The following DPP10 variants were observed in gnomAD, a reference collection of about 807,000 sequenced individuals.
DPP10 encodes inactive dipeptidyl peptidase 10.
DPP10 carries 33 observed loss-of-function variants against 120.9 expected under a neutral mutation model. The ratio of observed to expected loss-of-function variants is 0.27; its 90% CI spans 0.21 to 0.37. The LOEUF is 0.37. Among genes scored for constraint, DPP10 ranks in the 10% least tolerant of loss-of-function variants. DPP10 has a pLI of 1.00. For synonymous variants in DPP10, 337 were observed against 326.1 expected, an observed-to-expected ratio of 1.03 and a Z score of -0.36; for missense variants, 816 against 942.8, an observed-to-expected ratio of 0.87 and a Z score of 1.76.
chr2:114,494,990 C>T (rs940713949), intron 1 of DPP10, among the ~76,000 whole-genome samples: 4 of 151,722 alleles, frequency 2.6e-5, no homozygotes, highest in East Asian at 1.9e-4. Flanking sequence ...TTTCTATCAG[C>T]GCTTTTGTGA....
chr2:114,489,500 A>G (rs1297075400), intron 1 of DPP10, among the ~76,000 whole-genome samples: 1 of 152,206 alleles, frequency 6.6e-6, no homozygotes, highest in African/African-American at 2.4e-5. Flanking sequence ...CTATTCTGAC[A>G]AATACCATAA....
At chr2:114,678,216 T>G (rs1428927746) in intron 1 of DPP10, among the ~76,000 whole-genome samples, 1 of 152,076 alleles carries the variant, frequency 6.6e-6, no homozygotes, top group African/African-American at 2.4e-5. Context: ...TAACTTCTAA[T>G]TGATGATAAA....
At position 114,480,235 on chromosome 2, in the gene DPP10, G is replaced by A. The variant is rs536811163; in HGVS notation, c.60+37397G>A. 1.1e-3 allele frequency among the ~76,000 whole-genome samples: 172 copies of A among 151,080 alleles called. 1 individual carries two copies. Among genetic ancestry groups the A allele is most frequent in the African/African-American group, 4.0e-3 (162 of 40,904 alleles). On this transcript the variant is annotated intron_variant, in intron 1 of 25. Transcript: ENST00000410059. Reference sequence around the variant, plus strand: ...GTGCTGGAGAGGATGTGGAGAAATAGGAACACTTTTACACTGTTAGTGGGA... The same window carrying A: ...GTGCTGGAGAGGATGTGGAGAAATAAGAACACTTTTACACTGTTAGTGGGA...
chr2:115,407,838 C>T, intron 3 of DPP10, among the ~76,000 whole-genome samples: 1 of 151,762 alleles, frequency 6.6e-6, no homozygotes, highest in East Asian at 1.9e-4. Flanking sequence ...ACACAATTAC[C>T]TATCAGTGAA....
intron 5 of DPP10, among the ~76,000 whole-genome samples, chr2:115,577,389 C>T (rs1265222755): frequency 2.0e-5 from 3 of 152,154 alleles, no homozygotes; most frequent in Non-Finnish European, 4.4e-5. Flanking sequence ...CCTAACCTCT[C>T]TGGGTTTTAG....
At chr2:114,828,509 A>G (rs1472967036) in intron 1 of DPP10, 1 of 152,240 alleles carries the variant, frequency 6.6e-6, no homozygotes, top group East Asian at 1.9e-4. Flanking sequence ...AAGATGAATT[A>G]TATGAAAATC....
chr2:115,652,605 T>A (rs191026813), intron 5 of DPP10, among the ~76,000 whole-genome samples: 16 of 151,900 alleles, frequency 1.1e-4, no homozygotes, highest in African/African-American at 3.9e-4. Flanking sequence ...CTAGTGTGAG[T>A]CTAAAGTCCT....
intron 1 of DPP10, among the ~76,000 whole-genome samples, chr2:114,817,910 G>T (rs1445978434): frequency 6.6e-6 from 1 of 152,150 alleles, no homozygotes; most frequent in Non-Finnish European, 1.5e-5. Flanking sequence ...AAGGATGTAG[G>T]CTAGAAGAGT....
At chr2:114,503,232 AT>A (rs771225417) in intron 1 of DPP10, among the ~76,000 whole-genome samples, 10 of 152,232 alleles carry the variant, frequency 6.6e-5, no homozygotes, top group Non-Finnish European at 1.5e-4. Context: ...CAGCTAGTAC[AT>A]CTGTGATATT....
At chr2:115,838,861 G>A (rs376322831) in intron 24 of DPP10, among the ~76,000 whole-genome samples, 3 of 152,168 alleles carry the variant, frequency 2.0e-5, no homozygotes, top group African/African-American at 7.2e-5. Flanking sequence ...GTGAATTATA[G>A]GTGCTCAGTC....
rs1032163173 is a variant in DPP10, at chr2:114,751,255, A to G, written c.60+308417A>G. The stretch of plus-strand genomic sequence containing the variant: ...TGGCCTACCATAATTTTAATAAGTA[A>G]TCAAACTAAGCTTGAAGGTTCTGCA... On this transcript the variant is annotated intron_variant, in intron 1 of 25. Transcript: ENST00000410059. Among the ~76,000 whole-genome samples the G allele has an allele frequency of 4.6e-5, 7 of 152,358 alleles. No individual in the cohort carries two copies. In the East Asian group the frequency reaches 1.2e-3, roughly 25 times the overall value.
At chr2:115,319,714 A>G (rs1426751801) in intron 2 of DPP10, among the ~76,000 whole-genome samples, 1 of 152,124 alleles carries the variant, frequency 6.6e-6, no homozygotes, top group Non-Finnish European at 1.5e-5. Context: ...AACAATAGTA[A>G]ATTATTTCTC....
chr2:114,466,772 G>A (rs1679416668), intron 1 of DPP10, among the ~76,000 whole-genome samples: 1 of 152,118 alleles, frequency 6.6e-6, no homozygotes, highest in Non-Finnish European at 1.5e-5. Context: ...GGCAGGGCGC[G>A]ATGGCTCATG....
At chr2:115,697,215 G>T (rs78048050) in intron 7 of DPP10, among the ~76,000 whole-genome samples, 2 of 151,962 alleles carry the variant, frequency 1.3e-5, no homozygotes, top group East Asian at 3.8e-4. Context: ...AATCACAAAA[G>T]TAAGTTATTC....
chr2:114,551,530 C>G (rs1363128314), intron 1 of DPP10, among the ~76,000 whole-genome samples: 1 of 152,180 alleles, frequency 6.6e-6, no homozygotes, highest in Admixed American at 6.5e-5. Context: ...TGTGGTGAGG[C>G]TCCAGGCTGA....
chr2:114,911,420 A>T (rs907613805), intron 1 of DPP10, among the ~76,000 whole-genome samples: 1 of 152,188 alleles, frequency 6.6e-6, no homozygotes, highest in African/African-American at 2.4e-5. Flanking sequence ...AAAAAATTTT[A>T]AAAGACAGAA....
chr2:114,511,663 T>C (rs1025304866), intron 1 of DPP10, among the ~76,000 whole-genome samples: 9 of 152,220 alleles, frequency 5.9e-5, no homozygotes, highest in African/African-American at 1.7e-4. Flanking sequence ...ACTCGATTAT[T>C]TGTAAAGATG....
At chr2:115,429,374 A>C (rs2104758345) in intron 3 of DPP10, among the ~76,000 whole-genome samples, 1 of 152,344 alleles carries the variant, frequency 6.6e-6, no homozygotes, top group South Asian at 2.1e-4. Context: ...ACAAGCTAGC[A>C]TAAATAAAAT....
intron 5 of DPP10, among the ~76,000 whole-genome samples, chr2:115,554,344 T>G (rs1303604999): frequency 6.6e-6 from 1 of 151,702 alleles, no homozygotes. Flanking sequence ...ATTGTCACTG[T>G]CCCCCACCAA....
Sources: allele counts gnomAD v4.1 joint callset (sites outside exome capture counted in the v4.1 genomes callset), GRCh38; gene constraint gnomAD v4.1.1; transcripts MANE v1.5; gene names NCBI Gene and HGNC (gene_info 2026-07-23, HGNC 2026-07-21).